The following UBE2G1 variants were observed in gnomAD, a reference collection of about 807,000 sequenced individuals.
UBE2G1 encodes ubiquitin-conjugating enzyme E2 G1.
In UBE2G1, 5 loss-of-function variants were observed where a neutral mutation model predicts 22.7. That is an observed-to-expected ratio of 0.22 (90% CI 0.12 to 0.46). The LOEUF (loss-of-function observed/expected upper bound fraction) is 0.46. Ranked by LOEUF, UBE2G1 falls within the 20% of genes least tolerant of loss-of-function variation. The pLI, the probability that UBE2G1 is intolerant of heterozygous loss-of-function variation, is 0.99. For synonymous variants in UBE2G1, 74 were observed against 67.5 expected, an observed-to-expected ratio of 1.10 and a Z score of -0.47; for missense variants, 88 against 203.9, an observed-to-expected ratio of 0.43 and a Z score of 3.46.
At chr17:4,351,520 T>C (rs983189014) in intron 1 of UBE2G1, among the ~76,000 whole-genome samples, 2 of 152,132 alleles carry the variant, frequency 1.3e-5, no homozygotes, top group East Asian at 3.9e-4. Flanking sequence ...GGGAGAGATG[T>C]AGAAATAACC....
intron 3 of UBE2G1, among the ~76,000 whole-genome samples, chr17:4,293,402 T>C (rs1006231388): frequency 6.6e-6 from 1 of 152,206 alleles, no homozygotes; most frequent in Non-Finnish European, 1.5e-5. Flanking sequence ...TGGGTCCACA[T>C]TTTGTTTTTC....
At chr17:4,365,710 C>A (rs1283472054) in intron 1 of UBE2G1, among the ~76,000 whole-genome samples, 1 of 152,186 alleles carries the variant, frequency 6.6e-6, no homozygotes, top group African/African-American at 2.4e-5. Context: ...CCCTCGCGCC[C>A]GCGTGGAGGC....
rs549033603 is a variant in UBE2G1 at position 4,276,353 on chromosome 17, T to C, written c.*38-3837A>G. Among the ~76,000 whole-genome samples the C allele has an allele frequency of 5.3e-5, 8 of 152,082 alleles. No individual in the cohort carries two copies. In the South Asian group the frequency reaches 1.2e-3, roughly 24 times the overall value. ...CCGTACTGGCTAATTTTTTTTTTTG[T>C]ATTTTTAGTAGGAAGCGGTTTTGCC... is the stretch of plus-strand genomic sequence containing the variant. On this transcript the variant is annotated intron_variant, in intron 5 of 5. Transcript: ENST00000396981.
chr17:4,353,055 A>T (rs1207839429), intron 1 of UBE2G1, among the ~76,000 whole-genome samples: 2 of 152,092 alleles, frequency 1.3e-5, no homozygotes, highest in Non-Finnish European at 2.9e-5. Flanking sequence ...CGTCTCTACT[A>T]AAAATACAAA....
chr17:4,284,780 GT>G (rs369161129), intron 4 of UBE2G1, among the ~76,000 whole-genome samples: 67 of 135,458 alleles, frequency 4.9e-4, no homozygotes, highest in Middle Eastern at 3.7e-3. Flanking sequence ...AATACCATTT[GT>G]TTTTTTCCCC....
intron 1 of UBE2G1, among the ~76,000 whole-genome samples, chr17:4,309,667 CT>C (rs1969285640): frequency 6.6e-6 from 1 of 152,130 alleles, no homozygotes; most frequent in African/African-American, 2.4e-5. Context: ...CATTTCCAAC[CT>C]TTTTCTAGAG....
chr17:4,327,816 T>A (rs1327243088), intron 1 of UBE2G1, among the ~76,000 whole-genome samples: 1 of 152,112 alleles, frequency 6.6e-6, no homozygotes, highest in Non-Finnish European at 1.5e-5. Flanking sequence ...GACAGCACCA[T>A]TAATAACCTA....
In UBE2G1 at chr17:4,320,867, C is replaced by T. The variant is rs555360874; in HGVS notation, c.47-13744G>A. ...TCGTTCCCACCACCATACCTCTTTTCGTTTTCCCCCTCAAATATAAATAAT... is the reference window on the plus strand; with the variant it reads ...TCGTTCCCACCACCATACCTCTTTTTGTTTTCCCCCTCAAATATAAATAAT... On this transcript the variant is annotated intron_variant, in intron 1 of 5. Coordinates refer to ENST00000396981, the MANE Select transcript of UBE2G1 (RefSeq NM_003342.5). Among the ~76,000 whole-genome samples, 5 of 152,164 alleles carry T rather than the reference C, an allele frequency of 3.3e-5. No homozygotes were observed. In the South Asian group the frequency reaches 1.0e-3, roughly 32 times the overall value.
At chr17:4,300,686 C>T (rs1366255924) in intron 2 of UBE2G1, among the ~76,000 whole-genome samples, 3 of 151,640 alleles carry the variant, frequency 2.0e-5, no homozygotes, top group Admixed American at 6.6e-5. Context: ...GTATGTAGGC[C>T]GGGCACGGTG....
chr17:4,357,503 GT>G lies in UBE2G1; in HGVS notation c.46+8767del, dbSNP rs1413121486. 3.9e-3 allele frequency among the ~76,000 whole-genome samples: 245 copies of G among 62,446 alleles called. 1 individual carries two copies. Among genetic ancestry groups the G allele is most frequent in the African/African-American group, 0.014 (206 of 14,708 alleles). The allele number at this position is 62,446 out of a possible 152,430, so 41.0% of individuals were successfully genotyped here. ...TGTCATCACTCGGTTGTGTGTGTGT[GT>G]GTGTGGGGGGGGGGGGTGGGTGTAT... On this transcript the variant is annotated intron_variant, in intron 1 of 5. Transcript: ENST00000396981.
At chr17:4,305,831 C>T (rs1245493257) in intron 2 of UBE2G1, among the ~76,000 whole-genome samples, 3 of 152,174 alleles carry the variant, frequency 2.0e-5, no homozygotes, top group Non-Finnish European at 4.4e-5. Context: ...CGTGAGCCAA[C>T]GCACCAAGCC....
intron 1 of UBE2G1, among the ~76,000 whole-genome samples, chr17:4,354,090 C>CT (rs1969877378): frequency 1.3e-5 from 2 of 152,216 alleles, no homozygotes; most frequent in South Asian, 4.2e-4. Context: ...TCAGCATAAA[C>CT]TTTGTCTTGC....
intron 1 of UBE2G1, among the ~76,000 whole-genome samples, chr17:4,350,795 G>A (rs990595287): frequency 1.3e-5 from 2 of 152,030 alleles, no homozygotes; most frequent in African/African-American, 4.8e-5. Flanking sequence ...CACTTTGGGA[G>A]GCCGAGGAGG....
chr17:4,355,951 C>T (rs1158919157), intron 1 of UBE2G1, among the ~76,000 whole-genome samples: 1 of 147,710 alleles, frequency 6.8e-6, no homozygotes, highest in Admixed American at 6.8e-5. Flanking sequence ...CCGCCCGCCT[C>T]GGCCTCCCAA....
chr17:4,347,437 G>C (rs1969789827), intron 1 of UBE2G1, among the ~76,000 whole-genome samples: 1 of 134,726 alleles, frequency 7.4e-6, no homozygotes, highest in South Asian at 2.4e-4. Context: ...ATGTCTCTGT[G>C]TCATATTTCG....
chr17:4,298,556 GAGAC>G (rs1172980828), intron 2 of UBE2G1, among the ~76,000 whole-genome samples: 2 of 152,142 alleles, frequency 1.3e-5, no homozygotes, highest in Non-Finnish European at 2.9e-5. Context: ...TTTAAAAAAA[GAGAC>G]AGATCATTAA....
intron 5 of UBE2G1, among the ~76,000 whole-genome samples, chr17:4,278,897 CT>C (rs1968851241): frequency 6.6e-6 from 1 of 152,160 alleles, no homozygotes; most frequent in Non-Finnish European, 1.5e-5. Context: ...TTTAGCTTTA[CT>C]TCGGACTTAA....
intron 5 of UBE2G1, among the ~76,000 whole-genome samples, chr17:4,282,375 G>A (rs1968904704): frequency 6.6e-6 from 1 of 152,100 alleles, no homozygotes; most frequent in African/African-American, 2.4e-5. Context: ...GAGCCACCAC[G>A]CCTGGCCAGA....
At chr17:4,350,806 G>C (rs1160713596) in intron 1 of UBE2G1, among the ~76,000 whole-genome samples, 1 of 152,008 alleles carries the variant, frequency 6.6e-6, no homozygotes, top group African/African-American at 2.4e-5. Flanking sequence ...GCCGAGGAGG[G>C]CAGATCACGA....
Sources: allele counts gnomAD v4.1 joint callset (sites outside exome capture counted in the v4.1 genomes callset), GRCh38; gene constraint gnomAD v4.1.1; transcripts MANE v1.5; gene names NCBI Gene and HGNC (gene_info 2026-07-23, HGNC 2026-07-21).